The following ACAP2 variants were observed in gnomAD, a reference collection of about 807,000 sequenced individuals.
ACAP2 encodes the protein ArfGAP with coiled-coil, ankyrin repeat and PH domains 2.
ACAP2 carries 39 observed loss-of-function variants against 115.8 expected under a neutral mutation model. That is an observed-to-expected ratio of 0.34 (90% confidence interval 0.26 to 0.44). The LOEUF (loss-of-function observed/expected upper bound fraction) is 0.44, where lower values mean the gene tolerates loss of function less well. Among genes scored for constraint, ACAP2 ranks in the 20% least tolerant of loss-of-function variants. The pLI, the probability that ACAP2 is intolerant of heterozygous loss-of-function variation, is 1.00. For synonymous variants in ACAP2, 289 were observed against 315.8 expected, an observed-to-expected ratio of 0.92 and a Z score of 0.90; for missense variants, 662 against 927.6, an observed-to-expected ratio of 0.71 and a Z score of 3.72.
Position 195,331,579 on chromosome 3 carries a change from C to T in ACAP2, c.669+1449G>A, listed in dbSNP as rs529205939. Among the ~76,000 whole-genome samples, 4 of 152,116 alleles carry T rather than the reference C, an allele frequency of 2.6e-5. No homozygotes were observed. In the East Asian group the frequency reaches 5.9e-4, roughly 22 times the overall value. On this transcript the variant is annotated intron_variant, in intron 8 of 22. Transcript: ENST00000326793. The stretch of plus-strand genomic sequence containing the variant: ...CTGCATGCCTCAGCCTCCCAAAGTG[C>T]TGGGATTACAGGCATGAGCCACCAT...
chr3:195,377,706 A>G (rs1278842547), intron 4 of ACAP2, among the ~76,000 whole-genome samples: 1 of 152,218 alleles, frequency 6.6e-6, no homozygotes, highest in Non-Finnish European at 1.5e-5. Flanking sequence ...GATAGAATAG[A>G]TGGTATATTA....
intron 4 of ACAP2, among the ~76,000 whole-genome samples, chr3:195,380,400 A>G (rs2108749672): frequency 6.6e-6 from 1 of 152,334 alleles, no homozygotes. Context: ...TACAACAGCC[A>G]TATCAGTTAA....
intron 5 of ACAP2, among the ~76,000 whole-genome samples, chr3:195,344,530 CTT>C (rs1451259814): frequency 2.1e-5 from 3 of 145,910 alleles, no homozygotes; most frequent in Admixed American, 6.8e-5. Context: ...AAATCATGTA[CTT>C]TTTTTTTTTT....
intron 21 of ACAP2, among the ~76,000 whole-genome samples, chr3:195,287,461 C>T (rs983532289): frequency 3.3e-5 from 5 of 151,344 alleles, no homozygotes; most frequent in South Asian, 2.1e-4. Context: ...TACGACTACA[C>T]GCATGTGCCA....
At chr3:195,335,502 A>G (rs1444547220) in intron 7 of ACAP2, among the ~76,000 whole-genome samples, 2 of 152,216 alleles carry the variant, frequency 1.3e-5, no homozygotes, top group African/African-American at 4.8e-5. Context: ...ACACAGAAAG[A>G]GAGAAAAAGA....
chr3:195,284,691 CAGG>C (rs1330609184), intron 22 of ACAP2, among the ~76,000 whole-genome samples: 2 of 152,062 alleles, frequency 1.3e-5, no homozygotes, highest in African/African-American at 2.4e-5. Flanking sequence ...TGTATTTAAA[CAGG>C]AAGAAGAGAT....
intron 4 of ACAP2, among the ~76,000 whole-genome samples, chr3:195,345,881 C>T (rs1469437530): frequency 1.3e-5 from 2 of 152,298 alleles, no homozygotes; most frequent in South Asian, 4.1e-4. Flanking sequence ...TTTTGCCCAA[C>T]TTAAATGATG....
At chr3:195,380,716 C>T (rs905993995) in intron 4 of ACAP2, among the ~76,000 whole-genome samples, 1 of 152,090 alleles carries the variant, frequency 6.6e-6, no homozygotes, top group African/African-American at 2.4e-5. Flanking sequence ...TACAAAGCCA[C>T]AACTTAAAGG....
intron 10 of ACAP2, among the ~76,000 whole-genome samples, chr3:195,320,420 A>C (rs1447042440): frequency 6.6e-6 from 1 of 152,218 alleles, no homozygotes; most frequent in East Asian, 1.9e-4. Context: ...TACTATAATG[A>C]GCTAGCCACT....
chr3:195,294,614 T>G (rs1356720039), intron 18 of ACAP2, 105 bp downstream of exon 18: 1 of 85,404 alleles, frequency 1.2e-5, no homozygotes, highest in Non-Finnish European at 2.9e-5. Flanking sequence ...AAAAATTATA[T>G]ATATATATAT....
At chr3:195,311,518 A>C (rs2109000762) in intron 10 of ACAP2, among the ~76,000 whole-genome samples, 1 of 152,246 alleles carries the variant, frequency 6.6e-6, no homozygotes, top group South Asian at 2.1e-4. Context: ...GCCAAAATAC[A>C]AGACAGTTTT....
intron 4 of ACAP2, among the ~76,000 whole-genome samples, chr3:195,371,377 A>T (rs1733128585): frequency 6.6e-6 from 1 of 152,200 alleles, no homozygotes; most frequent in Non-Finnish European, 1.5e-5. Flanking sequence ...GTTGGTGTAC[A>T]GAAATGCTAC....
intron 1 of ACAP2, among the ~76,000 whole-genome samples, chr3:195,433,013 G>C (rs1715255840): frequency 6.6e-6 from 1 of 152,086 alleles, no homozygotes; most frequent in Admixed American, 6.5e-5. Context: ...AGTTATAACT[G>C]ATTTTTGTGG....
rs1266965417 is a variant in ACAP2, at chr3:195,277,722, T to C, written c.*1606A>G. ...TCTTATTTAGAAAGAGTATCAATAA[T>C]ATCATTTACATATAATTTCTAAAAG... is the stretch of plus-strand genomic sequence containing the variant. On this transcript the variant is annotated 3_prime_UTR_variant, in exon 23 of 23. Transcript: ENST00000326793. 6.6e-6 allele frequency: 1 copy of C among 152,210 alleles called. No individual in the cohort carries two copies. Among genetic ancestry groups the C allele is most frequent in the African/African-American group, 2.4e-5 (1 of 41,454 alleles). The allele number at this position is 152,210 out of a possible 1,614,324, so 9.4% of individuals were successfully genotyped here.
At chr3:195,433,808 G>T (rs377501015) in intron 1 of ACAP2, among the ~76,000 whole-genome samples, 6 of 152,264 alleles carry the variant, frequency 3.9e-5, no homozygotes, top group African/African-American at 1.2e-4. Context: ...CTTGGTCATG[G>T]TGTACAATCC....
chr3:195,301,753 A>G (rs1728073319), intron 14 of ACAP2, 109 bp from the exon 15 acceptor site: 1 of 1,160,864 alleles, frequency 8.6e-7, no homozygotes, highest in Non-Finnish European at 1.3e-6. Context: ...GCATACACAT[A>G]TAGGCACAGA....
chr3:195,285,211 C>T (rs1181766097), intron 22 of ACAP2: 1 of 152,224 alleles, frequency 6.6e-6, no homozygotes, highest in Non-Finnish European at 1.5e-5. Flanking sequence ...ACTTCTCCAC[C>T]TGGTGAATTT....
chr3:195,348,229 T>C (rs769455322), intron 4 of ACAP2, among the ~76,000 whole-genome samples: 6 of 152,000 alleles, frequency 3.9e-5, no homozygotes, highest in Non-Finnish European at 7.4e-5. Context: ...TATATGGATG[T>C]CAACTGTAAA....
chr3:195,290,380 T>TA lies in ACAP2; in HGVS notation c.2064-1150dup, dbSNP rs981157824. Among the ~76,000 whole-genome samples, 31 of 150,986 alleles carry TA rather than the reference T, an allele frequency of 2.1e-4. No homozygotes were observed. In the East Asian group the frequency reaches 2.7e-3, roughly 13 times the overall value. ...GCAACATAGTGAGACTCCCATCTCT[T>TA]AAAAAAAAAGAAGAAAATACAAAGG... On this transcript the variant is annotated intron_variant, in intron 20 of 22. Transcript: ENST00000326793.
Sources: allele counts gnomAD v4.1 joint callset (sites outside exome capture counted in the v4.1 genomes callset), GRCh38; gene constraint gnomAD v4.1.1; transcripts MANE v1.5; gene names NCBI Gene and HGNC (gene_info 2026-07-23, HGNC 2026-07-21).